LAMB4: variants seen among roughly 807,000 people sequenced by gnomAD.
The protein encoded by LAMB4 is laminin subunit beta-4.
In LAMB4, 196 loss-of-function variants were observed where a neutral mutation model predicts 199.2. The observed-to-expected ratio is 0.98, with a 90% CI of 0.88 to 1.11. The LOEUF (loss-of-function observed/expected upper bound fraction) is 1.11. LAMB4 is among the 50% of genes least tolerant of loss of function. The pLI, the probability that LAMB4 is intolerant of heterozygous loss-of-function variation, is 0.00. For synonymous variants in LAMB4, 744 were observed against 770.6 expected, an observed-to-expected ratio of 0.97 and a Z score of 0.57; for missense variants, 2,080 against 2,171.2, an observed-to-expected ratio of 0.96 and a Z score of 0.83.
intron 30 of LAMB4, among the ~76,000 whole-genome samples, chr7:108,036,349 C>A (rs530670510): frequency 6.6e-6 from 1 of 152,010 alleles, no homozygotes; most frequent in Non-Finnish European, 1.5e-5. Context: ...CCACTACACC[C>A]GGCAAATTTT....
At chr7:108,094,010 C>T (rs1461954006) in intron 12 of LAMB4, among the ~76,000 whole-genome samples, 1 of 152,234 alleles carries the variant, frequency 6.6e-6, no homozygotes, top group Non-Finnish European at 1.5e-5. Flanking sequence ...TGCTGCCATG[C>T]TGGCCACCTC....
chr7:108,059,816 T>C (rs1040557799), intron 23 of LAMB4, among the ~76,000 whole-genome samples: 1 of 152,252 alleles, frequency 6.6e-6, no homozygotes, highest in Non-Finnish European at 1.5e-5. Context: ...AAAAACCCAA[T>C]TGCAAAACTT....
At position 108,023,988 on chromosome 7, in the gene LAMB4, G is replaced by A; in HGVS notation, c.*51C>T. On this transcript the variant is annotated 3_prime_UTR_variant, in exon 34 of 34. Transcript: ENST00000388781. ...AGGTTCAACAGAGCCCCAGGGGCTT[G>A]TACATCAGAAACCAGAAACAAAGGC... The A allele has an allele frequency of 6.6e-7, 1 of 1,526,000 alleles. No homozygotes were observed. The allele number at this position is 1,526,000 out of a possible 1,614,324, so 94.5% of individuals were successfully genotyped here. A position where few individuals can be genotyped will look rare whatever the true frequency, so the allele number is the denominator to read the frequency against.
At chr7:108,064,559 C>T (rs758289220) in intron 21 of LAMB4, among the ~76,000 whole-genome samples, 18 of 152,184 alleles carry the variant, frequency 1.2e-4, no homozygotes, top group Admixed American at 2.0e-4. Context: ...GAGATGACTG[C>T]GGCTTTTTAG....
At position 108,123,130 on chromosome 7, in the gene LAMB4, C is replaced by G. The variant is rs7788865; in HGVS notation, c.34+1G>C. On this transcript the variant is annotated splice_donor_variant, in intron 2 of 33. Coordinates refer to ENST00000388781, the MANE Select transcript of LAMB4 (RefSeq NM_007356.3). LOFTEE classifies it high-confidence loss of function. ...AATAGATTTTGACAACAAATACTCACCAAGGTGCAAAAAAAGGGTCAGTTG... is the reference window on the plus strand; with the variant it reads ...AATAGATTTTGACAACAAATACTCAGCAAGGTGCAAAAAAAGGGTCAGTTG... 6.2e-7 allele frequency: 1 copy of G among 1,608,822 alleles called. No individual in the cohort carries two copies.
chr7:108,109,034 A>C, intron 5 of LAMB4, 137 bp downstream of exon 5: 2 of 661,384 alleles, frequency 3.0e-6, no homozygotes. Flanking sequence ...TAAGAGTCAA[A>C]GCTCAGGTGG....
At chr7:108,087,575 GGGA>G (rs1286894420) in intron 14 of LAMB4, among the ~76,000 whole-genome samples, 2 of 152,226 alleles carry the variant, frequency 1.3e-5, no homozygotes, top group African/African-American at 4.8e-5. Flanking sequence ...CTGTAGCCAT[GGGA>G]GGCTGGGCCG....
chr7:108,062,825 ACATC>A lies in LAMB4; in HGVS notation c.3227_3230del (p.Gly1076ValfsTer27). 1 of 1,548,476 alleles carries A rather than the reference ACATC, an allele frequency of 6.5e-7. No individual in the cohort carries two copies. ...TCCTAGGGTCACAGTCACATGACTG[ACATC>A]CTCTGCCAGGGACCAGATTCCAGTA... On this transcript the variant is annotated frameshift_variant, in exon 23 of 34. Transcript: ENST00000388781. LOFTEE classifies it high-confidence loss of function.
chr7:108,020,873 G>C (rs114337043), downstream of LAMB4, among the ~76,000 whole-genome samples: 3,344 of 152,256 alleles, frequency 0.022, 110 homozygotes, highest in African/African-American at 0.077. Flanking sequence ...AAGCTGTAAA[G>C]GATAAACAGG....
chr7:108,086,429 T>G (rs554751229), intron 14 of LAMB4, among the ~76,000 whole-genome samples: 2 of 152,166 alleles, frequency 1.3e-5, no homozygotes, highest in Non-Finnish European at 2.9e-5. Context: ...ACAGTGACAC[T>G]GTACACATGC....
At chr7:108,080,118 G>A (rs370483986) in intron 14 of LAMB4, among the ~76,000 whole-genome samples, 5 of 152,158 alleles carry the variant, frequency 3.3e-5, no homozygotes, top group South Asian at 2.1e-4. Flanking sequence ...ATATGACTGC[G>A]GAGTTCTTCC....
chr7:108,013,060 C>T, the LAMB4 span, among the ~76,000 whole-genome samples: 20 of 152,254 alleles, frequency 1.3e-4, no homozygotes, highest in Non-Finnish European at 1.8e-4. Context: ...ACCTCTCACA[C>T]TCAGTGCTGT....
chr7:108,106,749 A>G (rs2038031509), intron 6 of LAMB4, among the ~76,000 whole-genome samples, 177 bp from the exon 7 acceptor site: 1 of 151,892 alleles, frequency 6.6e-6, no homozygotes, highest in African/African-American at 2.4e-5. Context: ...AGATTTTTGT[A>G]GAGGTGGGGT....
intron 14 of LAMB4, among the ~76,000 whole-genome samples, chr7:108,080,596 A>G (rs1350440038): frequency 6.6e-6 from 1 of 152,150 alleles, no homozygotes; most frequent in Non-Finnish European, 1.5e-5. Flanking sequence ...TTGCTCTGTG[A>G]TCTACCCCAA....
rs751797278 is a variant in LAMB4 at position 108,066,467 on chromosome 7, G to A, written c.2580C>T (p.Cys860=). Residue 860 remains cysteine, a synonymous_variant, in exon 20 of 34, where the codon TGC becomes TGT. Coordinates refer to ENST00000388781, the MANE Select transcript of LAMB4 (RefSeq NM_007356.3). The part of the protein sequence containing the change: ...CLAGYFGFPS[C]HPCPCNRFAE... ...CAAACCTATTACAAGGGCAAGGGTG[G>A]CAGCTGGGAAATCCAAAGTAGCCTG... The A allele has an allele frequency of 6.2e-7, 1 of 1,614,176 alleles. No homozygotes were observed. The highest frequency in any genetic ancestry group is 8.5e-7 in the Non-Finnish European group (1 of 1,180,026).
At chr7:108,063,204 G>A (rs1003607954) in intron 22 of LAMB4, among the ~76,000 whole-genome samples, 1 of 152,126 alleles carries the variant, frequency 6.6e-6, no homozygotes, top group African/African-American at 2.4e-5. Context: ...AGTTCATGTG[G>A]TCGAACTTGC....
At chr7:108,123,255 CAT>C (rs1563114314) in intron 1 of LAMB4, 58 bp from the exon 2 acceptor site, 5 of 1,081,536 alleles carry the variant, frequency 4.6e-6, no homozygotes, top group Admixed American at 2.1e-5. Context: ...GCCATCATCA[CAT>C]GTTATGTAAA....
At chr7:108,058,854 A>T in intron 23 of LAMB4, among the ~76,000 whole-genome samples, 1 of 152,048 alleles carries the variant, frequency 6.6e-6, no homozygotes, top group East Asian at 1.9e-4. Flanking sequence ...ATGAGGTTTC[A>T]CCATGTTGGC....
chr7:108,070,015 T>C lies in LAMB4; in HGVS notation c.2125-130A>G, dbSNP rs961059963. On this transcript the variant is annotated intron_variant, in intron 17 of 33. Transcript: ENST00000388781. ...ACTCAACTCAATCCTTTAAACTGGT[T>C]AAGACTGAAGACTTTAAAGATTTTC... The C allele has an allele frequency of 3.6e-4, 192 of 534,274 alleles. 2 individuals carry two copies. Among genetic ancestry groups the C allele is most frequent in the African/African-American group, 3.5e-3 (184 of 52,888 alleles). The allele number at this position is 534,274 out of a possible 1,614,324, so 33.1% of individuals were successfully genotyped here. A position where few individuals can be genotyped will look rare whatever the true frequency, so the allele number is the denominator to read the frequency against.
Sources: allele counts gnomAD v4.1 joint callset (sites outside exome capture counted in the v4.1 genomes callset), GRCh38; gene constraint gnomAD v4.1.1; transcripts MANE v1.5; gene names NCBI Gene and HGNC (gene_info 2026-07-23, HGNC 2026-07-21).